PCNX2: variants seen among roughly 807,000 people sequenced by gnomAD.
The protein encoded by PCNX2 is pecanex 2, also known as pecanex-like protein 2.
In PCNX2, 168 loss-of-function variants were observed where a neutral mutation model predicts 223.8. The ratio of observed to expected loss-of-function variants is 0.75; its 90% CI spans 0.66 to 0.85. The LOEUF is 0.85. PCNX2 is among the 40% of genes least tolerant of loss of function. The pLI is 0.00. For synonymous variants in PCNX2, 1,006 were observed against 1,052.6 expected, an observed-to-expected ratio of 0.96 and a Z score of 0.86; for missense variants, 2,507 against 2,675.5, an observed-to-expected ratio of 0.94 and a Z score of 1.39.
chr1:233,100,910 T>C (rs1028363007), intron 21 of PCNX2, among the ~76,000 whole-genome samples: 1 of 152,252 alleles, frequency 6.6e-6, no homozygotes, highest in Admixed American at 6.5e-5. Flanking sequence ...AGTTAGTTCT[T>C]TCTCAGCTTC....
At chr1:233,211,000 C>A (rs1681781946) in intron 12 of PCNX2, among the ~76,000 whole-genome samples, 1 of 152,222 alleles carries the variant, frequency 6.6e-6, no homozygotes. Context: ...CTGCCTGTGG[C>A]AAGCAGTGGT....
the PCNX2 span, among the ~76,000 whole-genome samples, chr1:233,326,292 T>C: frequency 1.3e-4 from 20 of 152,364 alleles, no homozygotes; most frequent in Admixed American, 9.1e-4. Context: ...GCCCATACTT[T>C]AAATAGTTAG....
At chr1:233,264,424 C>T (rs1445810624) in intron 1 of PCNX2, among the ~76,000 whole-genome samples, 1 of 152,182 alleles carries the variant, frequency 6.6e-6, no homozygotes, top group African/African-American at 2.4e-5. Flanking sequence ...AGTCCATATC[C>T]ATGCCTAAGC....
intron 21 of PCNX2, among the ~76,000 whole-genome samples, chr1:233,132,194 T>G (rs1372904770): frequency 6.6e-6 from 1 of 152,084 alleles, no homozygotes; most frequent in Non-Finnish European, 1.5e-5. Context: ...CCCTCCTGAC[T>G]TCAGGTAATC....
the PCNX2 span, among the ~76,000 whole-genome samples, chr1:233,314,237 G>A: frequency 6.6e-6 from 1 of 152,146 alleles, no homozygotes; most frequent in Non-Finnish European, 1.5e-5. Flanking sequence ...TATTTAGAGA[G>A]AGAGAGAGAT....
chr1:233,232,966 A>C, intron 9 of PCNX2: 5 of 985,424 alleles, frequency 5.1e-6, no homozygotes, highest in Non-Finnish European at 3.6e-6. Context: ...TTTTAATGTA[A>C]GACAAGCTGA....
chr1:233,235,481 A>G (rs1030323317), intron 9 of PCNX2, among the ~76,000 whole-genome samples: 14 of 151,812 alleles, frequency 9.2e-5, no homozygotes, highest in African/African-American at 2.7e-4. Flanking sequence ...TCATCCCTAC[A>G]CTCCCCACAT....
intron 10 of PCNX2, among the ~76,000 whole-genome samples, chr1:233,225,123 AAAAAAAAAAAAAAAAT>A (rs1657629126): frequency 6.6e-6 from 1 of 151,144 alleles, no homozygotes; most frequent in African/African-American, 2.4e-5. Context: ...AAAAAAAAAA[AAAAAAAAAAAAAAAAT>A]GTTATGTTAC....
intron 17 of PCNX2, among the ~76,000 whole-genome samples, chr1:233,173,233 G>A (rs186618424): frequency 7.3e-5 from 11 of 151,302 alleles, no homozygotes; most frequent in Admixed American, 2.6e-4. Flanking sequence ...ATGCAGTGGC[G>A]CGATCTCGCT....
chr1:233,227,196 G>A (rs765900868), intron 10 of PCNX2, 30 bp downstream of exon 10: 14 of 1,588,828 alleles, frequency 8.8e-6, no homozygotes, highest in East Asian at 2.3e-5. Flanking sequence ...TGTGCCTTCC[G>A]ACAGTGTGTG....
At chr1:233,064,645 A>T (rs909888884) in intron 23 of PCNX2, among the ~76,000 whole-genome samples, 1 of 152,312 alleles carries the variant, frequency 6.6e-6, no homozygotes, top group African/African-American at 2.4e-5. Context: ...CCAGGCAGTG[A>T]TAGTGGGTTT....
intron 19 of PCNX2, among the ~76,000 whole-genome samples, chr1:233,141,106 G>A (rs542253155): frequency 6.6e-6 from 1 of 152,152 alleles, no homozygotes; most frequent in East Asian, 1.9e-4. Flanking sequence ...TTTACATTGG[G>A]TTGCACAAGA....
chr1:232,994,442 G>A, intron 32 of PCNX2, among the ~76,000 whole-genome samples: 1 of 152,242 alleles, frequency 6.6e-6, no homozygotes. Flanking sequence ...TTCCCCCATT[G>A]TATCTTTGAA....
rs778168122 is a variant in PCNX2, at chr1:233,295,312, C to T, written c.153+14G>A. 6.4e-7 allele frequency: 1 copy of T among 1,573,488 alleles called. No individual in the cohort carries two copies. The highest frequency in any genetic ancestry group is 1.4e-5 in the African/African-American group (1 of 73,946). Reference sequence around the variant, plus strand: ...ATACCCACAGCTCCCCGGGACCGGACCCTCCCCACTCACCAGGTGCAGGGC... The same window carrying T: ...ATACCCACAGCTCCCCGGGACCGGATCCTCCCCACTCACCAGGTGCAGGGC... On this transcript the variant is annotated intron_variant, in intron 1 of 33. Coordinates refer to ENST00000258229, the MANE Select transcript of PCNX2 (RefSeq NM_014801.4). The surrounding 1 kb of genome is among the most constrained non-coding windows in gnomAD (Gnocchi z 4.1).
Position 233,253,124 on chromosome 1 carries a change from G to T in PCNX2, c.1835-336C>A, listed in dbSNP as rs1040565695. ...CCATTTAGGTTACATAGGTCTGAAA[G>T]GTTCATATCTCATAAATGAATAACT... On this transcript the variant is annotated intron_variant, in intron 5 of 33. Coordinates refer to ENST00000258229, the MANE Select transcript of PCNX2 (RefSeq NM_014801.4). This position sits in a 1 kb window ranked among gnomAD's most constrained non-coding sequence, Gnocchi z 4.2. 2.0e-5 allele frequency among the ~76,000 whole-genome samples: 3 copies of T among 152,078 alleles called. No individual in the cohort carries two copies. Among genetic ancestry groups the T allele is most frequent in the Non-Finnish European group, 4.4e-5 (3 of 68,016 alleles).
At chr1:233,014,861 C>T (rs1362856782) in intron 27 of PCNX2, 84 bp from the exon 28 acceptor site, 2 of 1,101,774 alleles carry the variant, frequency 1.8e-6, no homozygotes, top group African/African-American at 1.5e-5. Context: ...GTGACATTGG[C>T]TTTGTAAGTC....
At chr1:233,194,271 T>C (rs894458358) in intron 15 of PCNX2, among the ~76,000 whole-genome samples, 2 of 152,106 alleles carry the variant, frequency 1.3e-5, no homozygotes, top group African/African-American at 4.8e-5. Context: ...GGAAAAAAGC[T>C]TTTAAGCAGA....
At chr1:233,052,437 T>C (rs760600088) in intron 25 of PCNX2, among the ~76,000 whole-genome samples, 1 of 152,204 alleles carries the variant, frequency 6.6e-6, no homozygotes, top group Non-Finnish European at 1.5e-5. Context: ...TGCTGAGAAC[T>C]ACATCGGATG....
intron 25 of PCNX2, among the ~76,000 whole-genome samples, chr1:233,049,897 G>T (rs1671941372): frequency 6.6e-6 from 1 of 151,266 alleles, no homozygotes; most frequent in South Asian, 2.1e-4. Flanking sequence ...AAATACCTAA[G>T]AATACATCTA....
Sources: allele counts gnomAD v4.1 joint callset (sites outside exome capture counted in the v4.1 genomes callset), GRCh38; gene constraint gnomAD v4.1.1; non-coding constraint Gnocchi (gnomAD v3.1); transcripts MANE v1.5; gene names NCBI Gene and HGNC (gene_info 2026-07-23, HGNC 2026-07-21).